The following CARNMT1 variants were observed in gnomAD, a reference collection of about 807,000 sequenced individuals.
The protein encoded by CARNMT1 is protein-L-histidine N-pros-methyltransferase CARNMT1.
In CARNMT1, 28 loss-of-function variants were observed where a neutral mutation model predicts 49.6. The observed-to-expected ratio is 0.56, with a 90% CI of 0.42 to 0.77. The LOEUF (loss-of-function observed/expected upper bound fraction) is 0.77. Among genes scored for constraint, CARNMT1 ranks in the 30% least tolerant of loss-of-function variants. CARNMT1 has a pLI of 0.00. For missense variants in CARNMT1, 421 were observed against 512.6 expected (o/e 0.82, Z 1.73); for synonymous variants, 178 against 175.0 (o/e 1.02, Z -0.13).
intron 3 of CARNMT1, among the ~76,000 whole-genome samples, chr9:75,009,212 T>G (rs1833612865): frequency 6.6e-6 from 1 of 152,114 alleles, no homozygotes; most frequent in African/African-American, 2.4e-5. Context: ...TATAAAAACC[T>G]TATTTTAAAA....
At chr9:75,016,612 T>C in intron 2 of CARNMT1, 181 bp from the exon 3 acceptor site, 1 of 571,864 alleles carries the variant, frequency 1.7e-6, no homozygotes, top group Non-Finnish European at 3.1e-6. Context: ...GTGGTCTCAC[T>C]GCTACCCTCA....
intron 5 of CARNMT1, 64 bp from the exon 6 acceptor site, chr9:74,996,624 T>A: frequency 1.1e-6 from 1 of 885,316 alleles, no homozygotes; most frequent in Non-Finnish European, 1.8e-6. Context: ...TTTAATTAAT[T>A]ATTTAAATCT....
chr9:74,987,284 G>A (rs1023449800), intron 6 of CARNMT1, among the ~76,000 whole-genome samples: 6 of 152,248 alleles, frequency 3.9e-5, no homozygotes, highest in South Asian at 4.1e-4. Flanking sequence ...TGTTAGGTAC[G>A]TATTTACGCA....
At position 74,983,273 on chromosome 9, in the gene CARNMT1, T is replaced by C. The variant is rs538390601; in HGVS notation, c.*494A>G. 1 of 150,562 alleles carries C rather than the reference T, an allele frequency of 6.6e-6. No homozygotes were observed. The highest frequency in any genetic ancestry group is 2.4e-5 in the African/African-American group (1 of 41,170). 9.3% of individuals were successfully genotyped at this position (150,562 alleles called of 1,614,324 possible). A position where few individuals can be genotyped will look rare whatever the true frequency, so the allele number is the denominator to read the frequency against. On this transcript the variant is annotated 3_prime_UTR_variant, in exon 8 of 8. Coordinates refer to ENST00000376834, the MANE Select transcript of CARNMT1 (RefSeq NM_152420.3). ...GAAGAAAAAAAAAAAAAAAGACATA[T>C]TTTACGCATAGTTTTCTTAGATTGA...
intron 3 of CARNMT1, among the ~76,000 whole-genome samples, chr9:75,007,745 T>TAA (rs1284886583): frequency 0.013 from 1,493 of 119,072 alleles, 71 homozygotes; most frequent in African/African-American, 0.047. Flanking sequence ...ATAAAAATAA[T>TAA]AAAAAAAAAA....
intron 3 of CARNMT1, chr9:75,009,943 C>G (rs1833635608): frequency 6.6e-6 from 1 of 151,912 alleles, no homozygotes; most frequent in Non-Finnish European, 1.5e-5. Context: ...TACGTTAAAG[C>G]ACGTAGTGCA....
chr9:74,997,663 GT>G (rs1470660895), intron 5 of CARNMT1, among the ~76,000 whole-genome samples: 1 of 151,840 alleles, frequency 6.6e-6, no homozygotes, highest in Non-Finnish European at 1.5e-5. Flanking sequence ...CTCTTTCAAG[GT>G]TCTCTACTAG....
intron 1 of CARNMT1, among the ~76,000 whole-genome samples, chr9:75,021,810 T>C (rs1822371762): frequency 6.6e-6 from 1 of 152,054 alleles, no homozygotes; most frequent in Non-Finnish European, 1.5e-5. Context: ...TGGTGGTGCA[T>C]GCCTGTAGTC....
rs570952962 is a variant in CARNMT1, at chr9:74,988,920, A to G, written c.1025-3910T>C. On this transcript the variant is annotated intron_variant, in intron 6 of 7. Transcript: ENST00000376834. Reference sequence around the variant, plus strand: ...GTTACTGTTTTTCTAGAAGAAAGTCATATCATTTTACATCCCCACTAACAG... The same window carrying G: ...GTTACTGTTTTTCTAGAAGAAAGTCGTATCATTTTACATCCCCACTAACAG... Among the ~76,000 whole-genome samples the G allele has an allele frequency of 1.6e-4, 24 of 152,334 alleles. No homozygotes were observed. The East Asian group carries it at 4.0e-3, about 26-fold the overall frequency.
chr9:75,021,830 T>C (rs1452984535), intron 1 of CARNMT1, among the ~76,000 whole-genome samples: 2 of 151,948 alleles, frequency 1.3e-5, no homozygotes, highest in Admixed American at 6.6e-5. Context: ...CTCACCTACT[T>C]GGGAGGCTGA....
Position 75,028,249 on chromosome 9 carries a change from G to C in CARNMT1, c.-8C>G. The C allele has an allele frequency of 7.3e-7, 1 of 1,372,498 alleles. No homozygotes were observed. The highest frequency in any genetic ancestry group is 9.4e-7 in the Non-Finnish European group (1 of 1,067,040). 85.0% of individuals were successfully genotyped at this position (1,372,498 alleles called of 1,614,324 possible). A position where few individuals can be genotyped will look rare whatever the true frequency, so the allele number is the denominator to read the frequency against. ...GCGACGCCGTCGCTGCATCGCCGCC[G>C]CGGCCCTCGGCCTGGCTCGCTTGCG... On this transcript the variant is annotated 5_prime_UTR_variant, in exon 1 of 8. Transcript: ENST00000376834.
intron 3 of CARNMT1, among the ~76,000 whole-genome samples, chr9:75,003,096 C>G (rs980844768): frequency 1.3e-5 from 2 of 152,112 alleles, no homozygotes; most frequent in Non-Finnish European, 2.9e-5. Flanking sequence ...TTAGCATCTC[C>G]TAACTTACCT....
At chr9:75,016,087 A>G in intron 3 of CARNMT1, 181 bp downstream of exon 3, 1 of 447,046 alleles carries the variant, frequency 2.2e-6, no homozygotes, top group Non-Finnish European at 3.9e-6. Context: ...CATAAAAATT[A>G]TTCAAAATAA....
At position 75,028,085 on chromosome 9, in the gene CARNMT1, T is replaced by A; in HGVS notation, c.157A>T (p.Ser53Cys). The A allele has an allele frequency of 6.4e-7, 1 of 1,564,562 alleles. No individual in the cohort carries two copies. Among genetic ancestry groups the A allele is most frequent in the African/African-American group, 1.4e-5 (1 of 71,066 alleles). Residue 53 changes from serine (S) to cysteine (C), a missense_variant, in exon 1 of 8, where the codon AGC becomes TGC. Transcript: ENST00000376834. ...AGCCTCTCCTCCTCCTCCTCGGTGC[T>A]GCGCGTGGCCGCCGCCGCTGCCGCC... ...VSAAAAAATR[S>C]TEEEEERLER...
At chr9:75,023,681 G>A (rs991245997) in intron 1 of CARNMT1, among the ~76,000 whole-genome samples, 5 of 152,158 alleles carry the variant, frequency 3.3e-5, no homozygotes, top group African/African-American at 9.7e-5. Flanking sequence ...ACATGCTTAC[G>A]CTATCAGAAT....
At chr9:75,013,173 C>T (rs972048904) in intron 3 of CARNMT1, among the ~76,000 whole-genome samples, 2 of 152,106 alleles carry the variant, frequency 1.3e-5, no homozygotes, top group African/African-American at 2.4e-5. Context: ...AACCCATGCA[C>T]GGAGACCTGA....
At chr9:74,988,535 GT>G (rs1419957916) in intron 6 of CARNMT1, among the ~76,000 whole-genome samples, 8 of 152,120 alleles carry the variant, frequency 5.3e-5, no homozygotes, top group Admixed American at 2.6e-4. Context: ...AGAAATATAA[GT>G]TCACTCTAAG....
At chr9:75,005,193 C>G (rs189621046) in intron 3 of CARNMT1, among the ~76,000 whole-genome samples, 10 of 152,150 alleles carry the variant, frequency 6.6e-5, no homozygotes, top group Non-Finnish European at 1.5e-4. Flanking sequence ...ACATATATAT[C>G]ATAAATTTCA....
chr9:74,985,057 C>G lies in CARNMT1; in HGVS notation c.1025-47G>C, dbSNP rs764642371. 3 of 1,339,350 alleles carry G rather than the reference C, an allele frequency of 2.2e-6. No homozygotes were observed. The Admixed American group carries it at 5.1e-5, about 23-fold the overall frequency. 83.0% of individuals were successfully genotyped at this position (1,339,350 alleles called of 1,614,324 possible). On this transcript the variant is annotated intron_variant, in intron 6 of 7. Coordinates refer to ENST00000376834, the MANE Select transcript of CARNMT1 (RefSeq NM_152420.3). ...AATTACTTGAATATAAACATACACT[C>G]ATAGCTGTGTTACACTGAATTCCAA...
Sources: gnomAD v4.1 joint callset for allele counts (sites outside exome capture counted in the v4.1 genomes callset) on GRCh38, gnomAD v4.1.1 for gene constraint, MANE v1.5 for transcripts, NCBI Gene and HGNC (gene_info 2026-07-23, HGNC 2026-07-21) for gene names.